Variants in TMEM63C observed in about 807,000 individuals in gnomAD.
The protein encoded by TMEM63C is osmosensitive cation channel TMEM63C.
A neutral mutation model predicts 99.2 loss-of-function variants in TMEM63C; 32 were observed. The observed-to-expected ratio is 0.32, with a 90% CI of 0.24 to 0.43. The LOEUF (loss-of-function observed/expected upper bound fraction) is 0.43, where lower values mean the gene tolerates loss of function less well. Among genes scored for constraint, TMEM63C ranks in the 20% least tolerant of loss-of-function variants. The pLI, the probability that TMEM63C is intolerant of heterozygous loss-of-function variation, is 1.00. For missense variants in TMEM63C, 826 were observed against 1,053.0 expected, an observed-to-expected ratio of 0.78 and a Z score of 2.98; for synonymous variants, 376 against 397.9, an observed-to-expected ratio of 0.94 and a Z score of 0.66.
At chr14:77,213,192 C>T (rs536426690) in intron 1 of TMEM63C, among the ~76,000 whole-genome samples, 4 of 152,196 alleles carry the variant, frequency 2.6e-5, no homozygotes, top group Non-Finnish European at 5.9e-5. Flanking sequence ...CTAACTCCTA[C>T]ACCCCTTTCA....
intron 1 of TMEM63C, among the ~76,000 whole-genome samples, chr14:77,187,724 G>A (rs1015036640): frequency 6.6e-6 from 1 of 152,238 alleles, no homozygotes; most frequent in African/African-American, 2.4e-5. Context: ...AGAGACAGAG[G>A]AAGGGAAGTG....
intron 15 of TMEM63C, among the ~76,000 whole-genome samples, chr14:77,244,005 G>A (rs956424809): frequency 4.6e-5 from 7 of 152,116 alleles, no homozygotes; most frequent in Admixed American, 2.6e-4. Flanking sequence ...TCTCCCTGGG[G>A]ACTCCTCCAT....
At chr14:77,240,436 G>A (rs1315300477) in intron 12 of TMEM63C, 39 bp from the exon 13 acceptor site, 5 of 1,581,756 alleles carry the variant, frequency 3.2e-6, no homozygotes, top group South Asian at 1.1e-5. Flanking sequence ...GCCTTCCTGG[G>A]GCTCTGGCCC....
At chr14:77,185,363 C>A (rs561280621) in intron 1 of TMEM63C, among the ~76,000 whole-genome samples, 1 of 152,286 alleles carries the variant, frequency 6.6e-6, no homozygotes, top group South Asian at 2.1e-4. Flanking sequence ...CCAAACTGTC[C>A]CCTCCCCATT....
intron 1 of TMEM63C, among the ~76,000 whole-genome samples, chr14:77,189,398 G>A (rs1888062690): frequency 2.0e-5 from 3 of 152,086 alleles, no homozygotes; most frequent in African/African-American, 7.2e-5. Context: ...GATTACAGGT[G>A]TGAGCTACTG....
At chr14:77,183,543 G>A (rs1328767215) in intron 1 of TMEM63C, among the ~76,000 whole-genome samples, 1 of 152,166 alleles carries the variant, frequency 6.6e-6, no homozygotes, top group Non-Finnish European at 1.5e-5. Context: ...GCCAGCAGCT[G>A]TGAGCATAGC....
At position 77,256,971 on chromosome 14, in the gene TMEM63C, A is replaced by G; in HGVS notation, c.*245A>G. On this transcript the variant is annotated 3_prime_UTR_variant, in exon 24 of 24. Transcript: ENST00000298351. ...GGGATGGGAGGATACAGGCAAGCAC[A>G]TGTCTTGAGAGAGGTGGCTGGAGCC... The G allele has an allele frequency of 2.0e-6, 1 of 510,944 alleles. No homozygotes were observed. The highest frequency in any genetic ancestry group is 3.5e-6 in the Non-Finnish European group (1 of 285,750). 31.7% of individuals were successfully genotyped at this position (510,944 alleles called of 1,614,324 possible).
chr14:77,223,268 T>A (rs188878675), intron 5 of TMEM63C, among the ~76,000 whole-genome samples: 4 of 152,304 alleles, frequency 2.6e-5, no homozygotes, highest in African/African-American at 9.6e-5. Context: ...GATAAATCCT[T>A]ATGGCAGCAG....
intron 1 of TMEM63C, among the ~76,000 whole-genome samples, chr14:77,206,508 C>T (rs1350830817): frequency 6.6e-6 from 1 of 152,194 alleles, no homozygotes; most frequent in Non-Finnish European, 1.5e-5. Context: ...CTGCCCATGG[C>T]CCAGCCAGGC....
At chr14:77,236,492 G>C in intron 8 of TMEM63C, 132 bp from the exon 9 acceptor site, 1 of 652,104 alleles carries the variant, frequency 1.5e-6, no homozygotes, top group East Asian at 2.6e-5. Context: ...ATGGTTGTGG[G>C]GGTCTGAGGA....
At chr14:77,242,502 A>T in intron 14 of TMEM63C, 33 bp downstream of exon 14, 1 of 1,608,586 alleles carries the variant, frequency 6.2e-7, no homozygotes, top group Non-Finnish European at 8.5e-7. Flanking sequence ...CTCTCCTCTG[A>T]GCTCCTCTGA....
chr14:77,243,173 A>C (rs563810027), intron 15 of TMEM63C, 117 bp downstream of exon 15: 1 of 1,249,774 alleles, frequency 8.0e-7, no homozygotes, highest in South Asian at 1.4e-5. Flanking sequence ...TACAGTGCGA[A>C]CATTGTGGAG....
intron 5 of TMEM63C, among the ~76,000 whole-genome samples, chr14:77,221,379 A>T (rs551719876): frequency 3.1e-4 from 5 of 16,036 alleles, no homozygotes; most frequent in Non-Finnish European, 2.0e-4. Context: ...CTCATGCCTC[A>T]CCTCCCACTC....
intron 2 of TMEM63C, among the ~76,000 whole-genome samples, chr14:77,214,367 A>T (rs1239905895): frequency 6.6e-6 from 1 of 152,032 alleles, no homozygotes; most frequent in Non-Finnish European, 1.5e-5. Flanking sequence ...ATTCAGTGGC[A>T]CGGAACCTGT....
rs182532267 is a variant in TMEM63C, at chr14:77,240,975, G to C, written c.1064+367G>C. Reference sequence around the variant, plus strand: ...TTTTTTTTTTTTTCTTTTTTTGAGAGAGTCTCGCTCTGTCACCCAGGCTGG... The same window carrying C: ...TTTTTTTTTTTTTCTTTTTTTGAGACAGTCTCGCTCTGTCACCCAGGCTGG... On this transcript the variant is annotated intron_variant, in intron 13 of 23. Transcript: ENST00000298351. 1.7e-3 allele frequency among the ~76,000 whole-genome samples: 234 copies of C among 137,180 alleles called. 1 individual carries two copies. Among genetic ancestry groups the C allele is most frequent in the African/African-American group, 6.0e-3 (223 of 37,268 alleles). 90.0% of individuals were successfully genotyped at this position (137,180 alleles called of 152,430 possible).
chr14:77,232,553 G>A (rs2140119285), intron 7 of TMEM63C, among the ~76,000 whole-genome samples: 1 of 152,296 alleles, frequency 6.6e-6, no homozygotes, highest in South Asian at 2.1e-4. Flanking sequence ...CTCCTAAAAT[G>A]CTGAGATTAC....
chr14:77,226,326 C>A (rs1294867192), intron 6 of TMEM63C, among the ~76,000 whole-genome samples: 1 of 152,194 alleles, frequency 6.6e-6, no homozygotes, highest in Non-Finnish European at 1.5e-5. Flanking sequence ...CAGGGCATTG[C>A]ACCGTGCATC....
At chr14:77,224,492 C>T (rs1204038385) in intron 5 of TMEM63C, among the ~76,000 whole-genome samples, 4 of 152,112 alleles carry the variant, frequency 2.6e-5, no homozygotes, top group Non-Finnish European at 5.9e-5. Context: ...CCTCTGGGAT[C>T]CCAGAAGGAA....
intron 8 of TMEM63C, among the ~76,000 whole-genome samples, chr14:77,235,154 G>A (rs914623658): frequency 2.0e-5 from 3 of 151,850 alleles, no homozygotes; most frequent in Non-Finnish European, 2.9e-5. Context: ...CTCAATAAAC[G>A]TTCCCCCCAT....
Sources: allele counts gnomAD v4.1 joint callset (sites outside exome capture counted in the v4.1 genomes callset), GRCh38; gene constraint gnomAD v4.1.1; transcripts MANE v1.5; gene names NCBI Gene and HGNC (gene_info 2026-07-23, HGNC 2026-07-21).